Variants in GPR137B observed in about 807,000 individuals in gnomAD.
GPR137B encodes the protein integral membrane protein GPR137B.
GPR137B carries 42 observed loss-of-function variants against 42.5 expected under a neutral mutation model. The ratio of observed to expected loss-of-function variants is 0.99; its 90% CI spans 0.77 to 1.28. The LOEUF (loss-of-function observed/expected upper bound fraction) is 1.28, where lower values mean the gene tolerates loss of function less well. Among genes scored for constraint, GPR137B ranks in the 50% most tolerant of loss-of-function variants. GPR137B has a pLI of 0.00. For missense variants in GPR137B, 487 were observed against 493.9 expected (o/e 0.99, Z 0.13); for synonymous variants, 218 against 209.7 (o/e 1.04, Z -0.34).
chr1:236,170,039 CAAAAAAAAAAAAAA>C (rs11346365), intron 2 of GPR137B, among the ~76,000 whole-genome samples: 6 of 36,844 alleles, frequency 1.6e-4, no homozygotes, highest in Non-Finnish European at 3.0e-4. Flanking sequence ...GAATCCATCT[CAAAAAAAAAAAAAA>C]AAAAAAAAAA....
At chr1:236,172,618 T>A (rs1662568915) in intron 2 of GPR137B, among the ~76,000 whole-genome samples, 1 of 152,130 alleles carries the variant, frequency 6.6e-6, no homozygotes, top group Non-Finnish European at 1.5e-5. Flanking sequence ...GAGTAATCAT[T>A]TCCAACTGTT....
At chr1:236,165,392 T>C (rs769451026) in intron 1 of GPR137B, among the ~76,000 whole-genome samples, 1 of 152,178 alleles carries the variant, frequency 6.6e-6, no homozygotes, top group Non-Finnish European at 1.5e-5. Flanking sequence ...GTGGCCCTAG[T>C]GATGAAATGA....
chr1:236,169,864 A>C (rs1018707338), intron 2 of GPR137B, among the ~76,000 whole-genome samples: 8 of 152,020 alleles, frequency 5.3e-5, no homozygotes, highest in Non-Finnish European at 1.2e-4. Context: ...ACATAGTGAA[A>C]CCCTGTCTCT....
intron 5 of GPR137B, among the ~76,000 whole-genome samples, chr1:236,186,015 A>G (rs1663006625): frequency 6.6e-6 from 1 of 151,222 alleles, no homozygotes; most frequent in South Asian, 2.1e-4. Flanking sequence ...TATGAATGGA[A>G]TCATATGGCA....
chr1:236,186,255 ATATATAT>A (rs372058989), intron 5 of GPR137B, among the ~76,000 whole-genome samples: 573 of 20,842 alleles, frequency 0.027, 44 homozygotes, highest in East Asian at 0.079. Flanking sequence ...ATAATATATA[ATATATAT>A]TATATATTAT....
chr1:236,178,867 G>A (rs1043841096), intron 3 of GPR137B, among the ~76,000 whole-genome samples: 1 of 134,244 alleles, frequency 7.4e-6, no homozygotes, highest in Admixed American at 8.4e-5. Context: ...GGGTGATCTC[G>A]GCTCACTGCA....
At chr1:236,205,042 T>C in intron 5 of GPR137B, 84 bp from the exon 6 acceptor site, 1 of 1,073,528 alleles carries the variant, frequency 9.3e-7, no homozygotes, top group Non-Finnish European at 1.4e-6. Context: ...ACATCTTTAG[T>C]CTCCTACAAG....
At chr1:236,145,933 C>T (rs1005917250) in intron 1 of GPR137B, among the ~76,000 whole-genome samples, 1 of 152,220 alleles carries the variant, frequency 6.6e-6, no homozygotes, top group Non-Finnish European at 1.5e-5. Flanking sequence ...TCTGGGTTCA[C>T]TGCAACCTCT....
chr1:236,160,053 G>A (rs1040852446), intron 1 of GPR137B, among the ~76,000 whole-genome samples: 1 of 152,228 alleles, frequency 6.6e-6, no homozygotes, highest in South Asian at 2.1e-4. Flanking sequence ...GGTTCTAGGT[G>A]GGACTTTCAA....
intron 1 of GPR137B, among the ~76,000 whole-genome samples, chr1:236,145,109 G>T (rs1339466534): frequency 1.3e-5 from 2 of 152,248 alleles, no homozygotes; most frequent in African/African-American, 4.8e-5. Flanking sequence ...GGCTGGAGAA[G>T]GTGGCATGTC....
At chr1:236,164,303 C>T (rs1290005742) in intron 1 of GPR137B, among the ~76,000 whole-genome samples, 1 of 152,176 alleles carries the variant, frequency 6.6e-6, no homozygotes, top group Non-Finnish European at 1.5e-5. Flanking sequence ...CTCATTTGTT[C>T]CTTAGCCTCT....
chr1:236,198,285 A>G (rs1289043336), intron 5 of GPR137B, among the ~76,000 whole-genome samples: 1 of 151,934 alleles, frequency 6.6e-6, no homozygotes, highest in African/African-American at 2.4e-5. Flanking sequence ...GCTCACTGCA[A>G]TCTGTGCCTC....
At chr1:236,190,632 T>C (rs987273128) in intron 5 of GPR137B, among the ~76,000 whole-genome samples, 8 of 150,760 alleles carry the variant, frequency 5.3e-5, no homozygotes, top group African/African-American at 1.9e-4. Context: ...TTGAAAATTT[T>C]TTTCTTTAAG....
rs759059244 is a variant in GPR137B, at chr1:236,142,730, C to T, written c.108C>T (p.Ala36=). 6.2e-7 allele frequency: 1 copy of T among 1,610,070 alleles called. No homozygotes were observed. The highest frequency in any genetic ancestry group is 8.5e-7 in the Non-Finnish European group (1 of 1,179,478). Residue 36 remains alanine, a synonymous_variant, in exon 1 of 7, where the codon GCC becomes GCT. Transcript: ENST00000366592. ...CGCTGCCGCCCACGCTGACCCCGGC[C>T]GTGCCCCCCTACGTGAAGCTTGGCC... ...NDSLPPTLTP[A]VPPYVKLGLT...
At position 236,201,592 on chromosome 1, in the gene GPR137B, G is replaced by A. The variant is rs539386685; in HGVS notation, c.967-3534G>A. On this transcript the variant is annotated intron_variant, in intron 5 of 6. Transcript: ENST00000366592. Reference sequence around the variant, plus strand: ...AGTGAATTTTTTATCCTCCAAGTGCGTCTTTCATTTCCAGAAGTTGTGACA... The same window carrying A: ...AGTGAATTTTTTATCCTCCAAGTGCATCTTTCATTTCCAGAAGTTGTGACA... 7.2e-4 allele frequency among the ~76,000 whole-genome samples: 109 copies of A among 152,050 alleles called. 1 individual carries two copies. In the Middle Eastern group the frequency reaches 0.014, roughly 19 times the overall value.
At chr1:236,191,947 C>T (rs942414996) in intron 5 of GPR137B, among the ~76,000 whole-genome samples, 1 of 152,220 alleles carries the variant, frequency 6.6e-6, no homozygotes, top group Admixed American at 6.5e-5. Flanking sequence ...CCCCCAAGTG[C>T]TCTGTCCCAG....
chr1:236,178,790 T>TTTTTG (rs1558488555), intron 3 of GPR137B, among the ~76,000 whole-genome samples, 154 bp downstream of exon 3: 1 of 62,320 alleles, frequency 1.6e-5, no homozygotes, highest in East Asian at 4.3e-4. Context: ...TCGAGGTTTT[T>TTTTTG]TTTTTTTTTT....
At chr1:236,190,167 T>TTTTG (rs1288464578) in intron 5 of GPR137B, among the ~76,000 whole-genome samples, 1 of 139,366 alleles carries the variant, frequency 7.2e-6, no homozygotes, top group African/African-American at 2.7e-5. Flanking sequence ...TTTTTTTTTT[T>TTTTG]GCTTTCCATT....
intron 2 of GPR137B, among the ~76,000 whole-genome samples, chr1:236,177,023 G>T (rs1323318586): frequency 6.6e-6 from 1 of 152,166 alleles, no homozygotes; most frequent in Admixed American, 6.5e-5. Context: ...AGGGTCAGGG[G>T]TGTGTTTGCT....
Sources: gnomAD v4.1 joint callset for allele counts (sites outside exome capture counted in the v4.1 genomes callset) on GRCh38, gnomAD v4.1.1 for gene constraint, MANE v1.5 for transcripts, NCBI Gene and HGNC (gene_info 2026-07-23, HGNC 2026-07-21) for gene names.